GRID2: variants seen among roughly 807,000 people sequenced by gnomAD.
GRID2 encodes the protein glutamate ionotropic receptor delta type subunit 2.
Under a neutral mutation model 114.8 loss-of-function variants are expected in GRID2, and 33 were observed. The observed-to-expected ratio is 0.29, with a 90% CI of 0.22 to 0.38. The LOEUF is 0.38. Among genes scored for constraint, GRID2 ranks in the 10% least tolerant of loss-of-function variants. The probability of loss-of-function intolerance (pLI) is 1.00; values close to 1 mark genes in which losing one functional copy is unlikely to be tolerated. For missense variants in GRID2, 1,184 were observed against 1,257.7 expected (o/e 0.94, Z 0.89); for synonymous variants, 505 against 449.9 (o/e 1.12, Z -1.55).
At chr4:92,385,901 TATA>T (rs1303784435) in intron 1 of GRID2, among the ~76,000 whole-genome samples, 9 of 33,820 alleles carry the variant, frequency 2.7e-4, no homozygotes, top group Admixed American at 3.3e-4. Flanking sequence ...TGTGTGTGTG[TATA>T]TATATATATA....
rs190095070 is a variant in GRID2 at position 92,665,042 on chromosome 4, A to C, written c.244+74756A>C. Among the ~76,000 whole-genome samples, 3 of 149,500 alleles carry C rather than the reference A, an allele frequency of 2.0e-5. No individual in the cohort carries two copies. The East Asian group carries it at 5.9e-4, about 30-fold the overall frequency. ...CTACTTATGTTTAAAGTAATTACTG[A>C]TAAGGAAAATCTTCTGTCATTTTGC... On this transcript the variant is annotated intron_variant, in intron 2 of 15. Transcript: ENST00000282020.
chr4:93,530,581 T>C (rs1731347917), intron 13 of GRID2, among the ~76,000 whole-genome samples: 1 of 152,190 alleles, frequency 6.6e-6, no homozygotes, highest in Admixed American at 6.6e-5. Flanking sequence ...AGTTGTACTA[T>C]GATGTCTTTC....
intron 8 of GRID2, among the ~76,000 whole-genome samples, chr4:93,269,402 G>C (rs1751191474): frequency 1.3e-5 from 2 of 152,162 alleles, no homozygotes; most frequent in Non-Finnish European, 2.9e-5. Flanking sequence ...TTAATTCCTT[G>C]GTCTAAAATT....
At chr4:93,694,969 C>T (rs1726886178) in intron 14 of GRID2, among the ~76,000 whole-genome samples, 1 of 152,028 alleles carries the variant, frequency 6.6e-6, no homozygotes, top group African/African-American at 2.4e-5. Flanking sequence ...CTCAGGAGTT[C>T]GAGACCAGCC....
chr4:93,612,909 T>C (rs1741119419), intron 13 of GRID2, among the ~76,000 whole-genome samples: 2 of 146,364 alleles, frequency 1.4e-5, no homozygotes, highest in South Asian at 4.5e-4. Context: ...CAGAGTGTTT[T>C]CCAACTTGGT....
chr4:93,244,275 T>C (rs1433657), intron 8 of GRID2, among the ~76,000 whole-genome samples: 18,252 of 151,810 alleles, frequency 0.12, 2,186 homozygotes, highest in African/African-American at 0.29. Context: ...CTTAATTGCA[T>C]AGTAATGCTT....
intron 2 of GRID2, among the ~76,000 whole-genome samples, chr4:92,871,640 A>G (rs1745287944): frequency 6.6e-6 from 1 of 152,152 alleles, no homozygotes; most frequent in South Asian, 2.1e-4. Context: ...AATAATTTAG[A>G]AACTTAATGA....
intron 1 of GRID2, among the ~76,000 whole-genome samples, chr4:92,411,625 A>ATGTGTGTGTCTG (rs757758738): frequency 1.1e-4 from 12 of 105,678 alleles, no homozygotes; most frequent in African/African-American, 5.0e-4. Flanking sequence ...ATATATATGC[A>ATGTGTGTGTCTG]TGTGTGTGTG....
intron 13 of GRID2, among the ~76,000 whole-genome samples, chr4:93,625,589 G>C (rs1204485088): frequency 6.6e-6 from 1 of 152,192 alleles, no homozygotes; most frequent in Non-Finnish European, 1.5e-5. Flanking sequence ...AAACACAATA[G>C]AGAGTAATAA....
chr4:93,120,668 T>C (rs1733696327), intron 4 of GRID2, among the ~76,000 whole-genome samples: 1 of 151,914 alleles, frequency 6.6e-6, no homozygotes, highest in Non-Finnish European at 1.5e-5. Context: ...ACATAGATGA[T>C]GGGGACTGGG....
intron 8 of GRID2, among the ~76,000 whole-genome samples, chr4:93,266,879 A>T (rs1189330495): frequency 3.3e-5 from 5 of 152,094 alleles, no homozygotes; most frequent in Admixed American, 3.3e-4. Context: ...AAAGATTACA[A>T]ATACTGTTCG....
intron 2 of GRID2, among the ~76,000 whole-genome samples, chr4:92,706,346 T>C (rs11941247): frequency 0.013 from 2,043 of 152,324 alleles, 51 homozygotes; most frequent in African/African-American, 0.047. Context: ...TAAAGTTTTT[T>C]ATTTAAGCAG....
chr4:93,166,055 A>C (rs1228810101), intron 4 of GRID2: 3 of 152,264 alleles, frequency 2.0e-5, no homozygotes, highest in Non-Finnish European at 4.4e-5. Context: ...TGTATCTTTT[A>C]GGTAAAAGGA....
At chr4:92,574,362 G>A (rs957346328) in intron 1 of GRID2, among the ~76,000 whole-genome samples, 1 of 147,526 alleles carries the variant, frequency 6.8e-6, no homozygotes, top group African/African-American at 2.5e-5. Context: ...TGGTTATTTT[G>A]TACACATGTT....
At chr4:92,738,874 G>A (rs1736728927) in intron 2 of GRID2, among the ~76,000 whole-genome samples, 3 of 152,036 alleles carry the variant, frequency 2.0e-5, no homozygotes, top group Admixed American at 6.6e-5. Context: ...TCTCTATGTT[G>A]CCCAGGTTGG....
intron 8 of GRID2, among the ~76,000 whole-genome samples, chr4:93,297,819 A>G (rs1323694236): frequency 6.6e-6 from 1 of 152,160 alleles, no homozygotes; most frequent in Non-Finnish European, 1.5e-5. Context: ...CTTTCACTTG[A>G]CCAATTTTCT....
At chr4:93,023,405 C>T (rs377433718) in intron 2 of GRID2, among the ~76,000 whole-genome samples, 1 of 151,906 alleles carries the variant, frequency 6.6e-6, no homozygotes, top group Non-Finnish European at 1.5e-5. Context: ...AGAAGCTCTG[C>T]AATAAGGAAA....
intron 2 of GRID2, among the ~76,000 whole-genome samples, chr4:92,927,078 GACA>G (rs1749864311): frequency 6.6e-6 from 1 of 151,924 alleles, no homozygotes; most frequent in South Asian, 2.1e-4. Context: ...AATAAAATGA[GACA>G]ACATCTTTAA....
chr4:93,306,090 A>G (rs925543503), intron 8 of GRID2: 4 of 152,156 alleles, frequency 2.6e-5, no homozygotes, highest in Non-Finnish European at 5.9e-5. Flanking sequence ...TTTCTTTTCA[A>G]TGTTTTTTTC....
Sources: allele counts gnomAD v4.1 joint callset (sites outside exome capture counted in the v4.1 genomes callset), GRCh38; gene constraint gnomAD v4.1.1; transcripts MANE v1.5; gene names NCBI Gene and HGNC (gene_info 2026-07-23, HGNC 2026-07-21).